The following POMGNT2 variants were observed in gnomAD, a reference collection of about 807,000 sequenced individuals.
POMGNT2 encodes the protein protein O-linked-mannose beta-1,4-N-acetylglucosaminyltransferase 2.
Under a neutral mutation model 37.8 loss-of-function variants are expected in POMGNT2, and 32 were observed. The ratio of observed to expected loss-of-function variants is 0.85; its 90% CI spans 0.64 to 1.14. The LOEUF is 1.14. Among genes scored for constraint, POMGNT2 ranks in the 50% most tolerant of loss-of-function variants. The pLI, the probability that POMGNT2 is intolerant of heterozygous loss-of-function variation, is 0.00. For missense variants in POMGNT2, 705 were observed against 780.6 expected (o/e 0.90, Z 1.15); for synonymous variants, 340 against 336.8 (o/e 1.01, Z -0.10).
At chr3:43,096,077 C>T (rs1028562459) in intron 1 of POMGNT2, among the ~76,000 whole-genome samples, 5 of 152,180 alleles carry the variant, frequency 3.3e-5, no homozygotes, top group African/African-American at 1.2e-4. Context: ...GACCCAACAA[C>T]CTTGATCCTT....
chr3:43,100,429 T>C (rs1336289058), intron 1 of POMGNT2, among the ~76,000 whole-genome samples: 2 of 152,206 alleles, frequency 1.3e-5, no homozygotes, highest in Non-Finnish European at 2.9e-5. Flanking sequence ...TGAGCATCCT[T>C]GGATTCTGGT....
intron 1 of POMGNT2, chr3:43,087,838 G>A (rs1275159685): frequency 1.3e-5 from 2 of 152,210 alleles, no homozygotes; most frequent in Non-Finnish European, 2.9e-5. Flanking sequence ...GATATGCACT[G>A]TCTGGATAAG....
intron 1 of POMGNT2, among the ~76,000 whole-genome samples, chr3:43,087,106 A>G (rs1044318538): frequency 2.0e-5 from 3 of 152,214 alleles, no homozygotes; most frequent in African/African-American, 7.2e-5. Flanking sequence ...TTAGAAGCAA[A>G]ATAGAAGAAA....
intron 1 of POMGNT2, among the ~76,000 whole-genome samples, chr3:43,087,285 G>T (rs1019960508): frequency 2.0e-5 from 3 of 152,174 alleles, no homozygotes; most frequent in Non-Finnish European, 4.4e-5. Flanking sequence ...GGGACCATAA[G>T]AATTCATTTG....
intron 1 of POMGNT2, among the ~76,000 whole-genome samples, chr3:43,105,475 A>G (rs1438833960): frequency 1.3e-5 from 2 of 151,660 alleles, no homozygotes; most frequent in Admixed American, 1.3e-4. Context: ...TCACCTCCCA[A>G]AGCAAAAGGG....
At position 43,081,153 on chromosome 3, in the gene POMGNT2, G is replaced by A; in HGVS notation, c.279C>T (p.Phe93=). ...WLCYSNEAEE[F]IFFHGNTSVM... The stretch of plus-strand genomic sequence containing the variant: ...CAGAGGTGTTGCCATGGAAGAAGAT[G>A]AACTCCTCAGCCTCGTTGGAGTAGC... The change falls in exon 2 of 2, where the codon TTC becomes TTT. Residue 93 remains phenylalanine, a synonymous_variant. Transcript: ENST00000344697. 1 of 1,614,210 alleles carries A rather than the reference G, an allele frequency of 6.2e-7. No individual in the cohort carries two copies. Among genetic ancestry groups the A allele is most frequent in the Non-Finnish European group, 8.5e-7 (1 of 1,180,038 alleles).
intron 1 of POMGNT2, among the ~76,000 whole-genome samples, chr3:43,095,191 G>A (rs1203039896): frequency 6.6e-6 from 1 of 152,200 alleles, no homozygotes; most frequent in African/African-American, 2.4e-5. Context: ...CAGAGACAAG[G>A]GCTGCCCAGA....
At chr3:43,082,936 C>T (rs550910504) in intron 1 of POMGNT2, among the ~76,000 whole-genome samples, 1 of 152,112 alleles carries the variant, frequency 6.6e-6, no homozygotes, top group Non-Finnish European at 1.5e-5. Context: ...ATACAGGGTA[C>T]ATTAATGAGC....
rs1388828276 is a variant in POMGNT2 at position 43,080,347 on chromosome 3, A to AC, written c.1084dup (p.Val362GlyfsTer17). ...ATTGACAGCATATGGGAAGAGCTCT[A>AC]CCACAGTTGCCCCACGGGGCAGGAA... On this transcript the variant is annotated frameshift_variant, in exon 2 of 2. Transcript: ENST00000344697. LOFTEE classifies it high-confidence loss of function. The AC allele has an allele frequency of 2.5e-6, 4 of 1,614,112 alleles. No homozygotes were observed. Among genetic ancestry groups the AC allele is most frequent in the Non-Finnish European group, 1.7e-6 (2 of 1,180,006 alleles).
Position 43,080,228 on chromosome 3 carries a change from C to A in POMGNT2, c.1204G>T (p.Val402Phe). The change falls in exon 2 of 2, where the codon GTC (valine) becomes TTC (phenylalanine). Residue 402 changes from valine to phenylalanine, a missense_variant. Physicochemically the swap from Val to Phe is conservative, Grantham distance 50 (BLOSUM62 -1). Coordinates refer to ENST00000344697, the MANE Select transcript of POMGNT2 (RefSeq NM_032806.6). ...AWRNMMPENT[V>F]THPERPWDQG... is the part of the protein sequence containing the mutation. ...TCCCAGGGCCGCTCAGGGTGTGTGA[C>A]TGTGTTCTCTGGCATCATGTTCCGC... 6.2e-7 allele frequency: 1 copy of A among 1,614,180 alleles called. No individual in the cohort carries two copies. The highest frequency in any genetic ancestry group is 8.5e-7 in the Non-Finnish European group (1 of 1,180,032).
chr3:43,081,083 G>A lies in POMGNT2; in HGVS notation c.349C>T (p.Leu117Phe), dbSNP rs1413032449. ...TGGTCCTCCACGGTGGATAGGTCGA[G>A]CAGGGCTGGCTGGAAGCGCCGGGAG... Reference protein sequence around the residue: ...LGSRRFQPALLDLSTVEDHNT... With the variant: ...LGSRRFQPALFDLSTVEDHNT... Residue 117 changes from leucine (L) to phenylalanine (F), a missense_variant, in exon 2 of 2, where the codon CTC becomes TTC. Physicochemically the swap from Leu to Phe is conservative, Grantham distance 22. Coordinates refer to ENST00000344697, the MANE Select transcript of POMGNT2 (RefSeq NM_032806.6). 6.2e-7 allele frequency: 1 copy of A among 1,614,244 alleles called. No individual in the cohort carries two copies. Among genetic ancestry groups the A allele is most frequent in the Non-Finnish European group, 8.5e-7 (1 of 1,180,040 alleles).
intron 1 of POMGNT2, among the ~76,000 whole-genome samples, chr3:43,102,112 C>T (rs1041896830): frequency 6.6e-5 from 10 of 152,016 alleles, no homozygotes; most frequent in African/African-American, 2.2e-4. Context: ...CTTACAATGG[C>T]TACTGTGTGA....
At chr3:43,093,895 G>C (rs985926438) in intron 1 of POMGNT2, among the ~76,000 whole-genome samples, 2 of 152,096 alleles carry the variant, frequency 1.3e-5, no homozygotes, top group African/African-American at 4.8e-5. Context: ...CTTGTCTTAG[G>C]ATCTCAGGAT....
intron 1 of POMGNT2, among the ~76,000 whole-genome samples, chr3:43,102,362 CA>C (rs1334959517): frequency 6.6e-6 from 1 of 152,220 alleles, no homozygotes; most frequent in Non-Finnish European, 1.5e-5. Flanking sequence ...ATGGAGAAAA[CA>C]GATAAATTTG....
chr3:43,081,510 A>T lies in POMGNT2; in HGVS notation c.-79T>A. ...GGCCAGGCAGGCTTCACCCATCCCT[A>T]TGGGCATCCTGAGAACTGGTGAAAG... On this transcript the variant is annotated 5_prime_UTR_variant, in exon 2 of 2. Transcript: ENST00000344697. 1 of 1,219,388 alleles carries T rather than the reference A, an allele frequency of 8.2e-7. No homozygotes were observed. The highest frequency in any genetic ancestry group is 1.1e-6 in the Non-Finnish European group (1 of 891,920). The allele number at this position is 1,219,388 out of a possible 1,614,324, so 75.5% of individuals were successfully genotyped here.
intron 1 of POMGNT2, among the ~76,000 whole-genome samples, chr3:43,085,711 TGGA>T (rs1160709148): frequency 6.6e-6 from 1 of 151,388 alleles, no homozygotes; most frequent in Non-Finnish European, 1.5e-5. Flanking sequence ...AACTGAGGGG[TGGA>T]GGAGGAGGAA....
In POMGNT2 at chr3:43,080,976, C is replaced by T. The variant is rs753428035; in HGVS notation, c.456G>A (p.Val152=). 1 of 1,614,232 alleles carries T rather than the reference C, an allele frequency of 6.2e-7. No individual in the cohort carries two copies. Among genetic ancestry groups the T allele is most frequent in the Non-Finnish European group, 8.5e-7 (1 of 1,180,036 alleles). ...FMPKPVFVPD[V]ALIANRFNPD... ...GGTTGAAGCGGTTGGCGATGAGGGC[C>T]ACGTCTGGCACGAACACCGGCTTGG... The change falls in exon 2 of 2, where the codon GTG becomes GTA. Residue 152 remains valine (V), a synonymous_variant. Transcript: ENST00000344697.
At position 43,081,142 on chromosome 3, in the gene POMGNT2, TG is replaced by T; in HGVS notation, c.289del (p.His97MetfsTer124). ...SNEAEEFIFF[H>X]GNTSVMLPNL... ...GGGCAGCATGACAGAGGTGTTGCCA[TG>T]GAAGAAGATGAACTCCTCAGCCTCG... On this transcript the variant is annotated frameshift_variant, in exon 2 of 2. Transcript: ENST00000344697. LOFTEE classifies it high-confidence loss of function. 1 of 1,614,182 alleles carries T rather than the reference TG, an allele frequency of 6.2e-7. No individual in the cohort carries two copies. The highest frequency in any genetic ancestry group is 8.5e-7 in the Non-Finnish European group (1 of 1,180,026).
At chr3:43,099,900 G>C (rs567720827) in intron 1 of POMGNT2, among the ~76,000 whole-genome samples, 3 of 152,096 alleles carry the variant, frequency 2.0e-5, no homozygotes, top group Admixed American at 2.0e-4. Context: ...CAATCACTAG[G>C]TGCCAGATTC....
Sources: allele counts gnomAD v4.1 joint callset (sites outside exome capture counted in the v4.1 genomes callset), GRCh38; gene constraint gnomAD v4.1.1; transcripts MANE v1.5; gene names NCBI Gene and HGNC (gene_info 2026-07-23, HGNC 2026-07-21).